Variants in RHPN2 observed in about 807,000 individuals in gnomAD.
RHPN2 encodes rhophilin Rho GTPase binding protein 2, also known as rhophilin-2.
In RHPN2, 40 loss-of-function variants were observed where a neutral mutation model predicts 79.0. The ratio of observed to expected loss-of-function variants is 0.51; its 90% confidence interval spans 0.39 to 0.66. The LOEUF (loss-of-function observed/expected upper bound fraction) is 0.66. Among genes scored for constraint, RHPN2 ranks in the 30% least tolerant of loss-of-function variants. RHPN2 has a pLI of 0.00. For missense variants in RHPN2, 686 were observed against 883.5 expected (o/e 0.78, Z 2.83); for synonymous variants, 285 against 363.5 (o/e 0.78, Z 2.46).
intron 11 of RHPN2, 34 bp downstream of exon 11, chr19:32,995,992 C>T (rs373442897): frequency 6.8e-6 from 11 of 1,611,140 alleles, no homozygotes; most frequent in Non-Finnish European, 7.6e-6. Flanking sequence ...GGCACAGGCA[C>T]CCCCACAGAG....
chr19:33,044,699 C>T (rs1360430485), intron 1 of RHPN2, among the ~76,000 whole-genome samples: 1 of 152,226 alleles, frequency 6.6e-6, no homozygotes, highest in East Asian at 1.9e-4. Context: ...TCAAGACCAG[C>T]CTGGCCAACA....
rs1190174291 is a variant in RHPN2, at chr19:32,984,973, G to T, written c.1801-4717C>A. ...AATTAAAAATTAGCTGGGTATAGTG[G>T]TGCACGCCTATAGTCCCAGCTACTT... is the stretch of plus-strand genomic sequence containing the variant. On this transcript the variant is annotated intron_variant, in intron 14 of 14. Transcript: ENST00000254260. Among the ~76,000 whole-genome samples, 4 of 151,624 alleles carry T rather than the reference G, an allele frequency of 2.6e-5. 1 individual carries two copies. The highest frequency in any genetic ancestry group is 3.2e-3 in the Middle Eastern group (1 of 314).
chr19:33,041,829 A>C (rs1286760720), intron 2 of RHPN2, among the ~76,000 whole-genome samples: 4 of 152,146 alleles, frequency 2.6e-5, no homozygotes, highest in Admixed American at 2.0e-4. Context: ...CCAACAAGAG[A>C]AATCACAAAA....
chr19:33,034,405 A>G (rs1972038120), intron 2 of RHPN2, among the ~76,000 whole-genome samples: 1 of 151,828 alleles, frequency 6.6e-6, no homozygotes, highest in South Asian at 2.1e-4. Flanking sequence ...GGAGATCAAG[A>G]CCATCCTGGC....
intron 4 of RHPN2, among the ~76,000 whole-genome samples, chr19:33,020,780 C>T (rs1169475857): frequency 6.6e-6 from 1 of 152,156 alleles, no homozygotes; most frequent in South Asian, 2.1e-4. Context: ...GGATTACAGG[C>T]GTGAGCCACT....
In RHPN2 at chr19:33,038,388, C is replaced by G. The variant is rs149197055; in HGVS notation, c.185+5861G>C. 5.8e-4 allele frequency among the ~76,000 whole-genome samples: 89 copies of G among 152,158 alleles called. No homozygotes were observed. In the East Asian group the frequency reaches 0.016, roughly 28 times the overall value. On this transcript the variant is annotated intron_variant, in intron 2 of 14. Transcript: ENST00000254260. ...ACAGCTTGAGCCCAGAAGGTTGAGG[C>G]TGCAGTGAGCTGTGATCATACCACT...
intron 14 of RHPN2, among the ~76,000 whole-genome samples, chr19:32,988,606 ATGG>A (rs1971629990): frequency 7.2e-6 from 1 of 139,836 alleles, no homozygotes; most frequent in South Asian, 2.3e-4. Context: ...CTCACTTCCC[ATGG>A]CTCCCTTCCT....
intron 3 of RHPN2, among the ~76,000 whole-genome samples, chr19:33,024,539 G>A (rs1377785091): frequency 6.6e-6 from 1 of 152,088 alleles, no homozygotes; most frequent in African/African-American, 2.4e-5. Flanking sequence ...ACACACTGAC[G>A]CCTCCCCTCC....
At chr19:33,043,346 T>C (rs1011585679) in intron 2 of RHPN2, among the ~76,000 whole-genome samples, 1 of 151,574 alleles carries the variant, frequency 6.6e-6, no homozygotes, top group Admixed American at 6.6e-5. Flanking sequence ...AGGCCAGGCG[T>C]TCAAGACCAG....
In RHPN2 at chr19:33,023,316, T is replaced by C. The variant is rs188706895; in HGVS notation, c.315-1670A>G. 2.5e-3 allele frequency among the ~76,000 whole-genome samples: 379 copies of C among 151,164 alleles called. 2 individuals carry two copies. The highest frequency in any genetic ancestry group is 9.0e-3 in the African/African-American group (368 of 41,108). On this transcript the variant is annotated intron_variant, in intron 3 of 14. Coordinates refer to ENST00000254260, the MANE Select transcript of RHPN2 (RefSeq NM_033103.5). ...TGGGCATGGTGATGTGTGCCTGTAA[T>C]CCCAGCTACTCAGGAGGCTGAGGCA... is the stretch of plus-strand genomic sequence containing the variant.
intron 3 of RHPN2, among the ~76,000 whole-genome samples, chr19:33,021,980 G>A (rs925037719): frequency 2.6e-5 from 4 of 151,672 alleles, no homozygotes; most frequent in Non-Finnish European, 4.4e-5. Context: ...TTGTTCTGTC[G>A]CCCAGGCTGG....
chr19:33,034,619 A>AAAAC (rs1231409094), intron 2 of RHPN2, among the ~76,000 whole-genome samples: 5 of 149,962 alleles, frequency 3.3e-5, no homozygotes, highest in African/African-American at 1.2e-4. Flanking sequence ...AAAAAAAAAA[A>AAAAC]AAAATACAAA....
At position 33,001,124 on chromosome 19, in the gene RHPN2, C is replaced by T. The variant is rs568128873; in HGVS notation, c.1105+1123G>A. On this transcript the variant is annotated intron_variant, in intron 9 of 14. Transcript: ENST00000254260. The stretch of plus-strand genomic sequence containing the variant: ...ATTGAGGCAGAGGACAGCTAAGTAA[C>T]TTGCCCAAGGTAAAACAGCTCATTC... Among the ~76,000 whole-genome samples, 12 of 152,282 alleles carry T rather than the reference C, an allele frequency of 7.9e-5. 1 individual carries two copies. In the South Asian group the frequency reaches 2.5e-3, roughly 32 times the overall value.
chr19:33,064,712 G>T, intron 1 of RHPN2, 72 bp downstream of exon 1: 2 of 1,469,484 alleles, frequency 1.4e-6, no homozygotes, highest in Admixed American at 2.0e-5. Context: ...CGCTCCCACG[G>T]CCCCTGCAGG....
intron 4 of RHPN2, among the ~76,000 whole-genome samples, chr19:33,014,171 G>C (rs1217326843): frequency 6.6e-6 from 1 of 150,666 alleles, no homozygotes; most frequent in Non-Finnish European, 1.5e-5. Context: ...CCAAGTGACT[G>C]TGAGTAACCT....
At chr19:32,988,974 C>A (rs1241342123) in intron 14 of RHPN2, among the ~76,000 whole-genome samples, 1 of 152,206 alleles carries the variant, frequency 6.6e-6, no homozygotes, top group African/African-American at 2.4e-5. Context: ...TGGCACCCAA[C>A]TGATCCTCAA....
At chr19:33,053,425 C>CTTT (rs11297306) in intron 1 of RHPN2, among the ~76,000 whole-genome samples, 2 of 132,040 alleles carry the variant, frequency 1.5e-5, no homozygotes, top group African/African-American at 2.9e-5. Flanking sequence ...AACAGTTTTG[C>CTTT]TTTTTTTTTT....
intron 1 of RHPN2, among the ~76,000 whole-genome samples, chr19:33,049,371 T>C (rs1351840425): frequency 1.3e-5 from 2 of 152,154 alleles, no homozygotes; most frequent in Non-Finnish European, 2.9e-5. Context: ...AACGAGACCT[T>C]AGCCCTGAAC....
intron 2 of RHPN2, among the ~76,000 whole-genome samples, chr19:33,029,419 G>A (rs1379853714): frequency 1.3e-5 from 2 of 151,546 alleles, no homozygotes; most frequent in African/African-American, 4.8e-5. Flanking sequence ...CCAGCTACTC[G>A]GGGGGCTGAG....
Sources: gnomAD v4.1 joint callset for allele counts (sites outside exome capture counted in the v4.1 genomes callset) on GRCh38, gnomAD v4.1.1 for gene constraint, MANE v1.5 for transcripts, NCBI Gene and HGNC (gene_info 2026-07-23, HGNC 2026-07-21) for gene names.